The following BRCA1 variants were observed in gnomAD, a reference collection of about 807,000 sequenced individuals.
BRCA1 encodes breast cancer type 1 susceptibility protein.
A neutral mutation model predicts 173.7 loss-of-function variants in BRCA1; 140 were observed. That is an observed-to-expected ratio of 0.81 (90% CI 0.70 to 0.93). BRCA1 has a LOEUF of 0.93. Among genes scored for constraint, BRCA1 ranks in the 40% least tolerant of loss-of-function variants. BRCA1 has a pLI of 0.00. For missense variants in BRCA1, 1,983 were observed against 2,172.5 expected (o/e 0.91, Z 1.73); for synonymous variants, 662 against 756.0 (o/e 0.88, Z 2.04).
intron 16 of BRCA1, among the ~76,000 whole-genome samples, chr17:43,066,812 CTTTTTTTTTT>C (rs34253779): frequency 8.9e-6 from 1 of 112,274 alleles, no homozygotes; most frequent in African/African-American, 4.3e-5. Context: ...CCCTCCAAAC[CTTTTTTTTTT>C]TTTTTTTTTT....
intron 12 of BRCA1, 54 bp from the exon 13 acceptor site, chr17:43,076,668 T>C: frequency 6.3e-7 from 1 of 1,596,958 alleles, no homozygotes; most frequent in South Asian, 1.1e-5. Flanking sequence ...CTGATAGTGA[T>C]AATTCAGGTT....
At chr17:43,069,536 G>T (rs1378982428) in intron 15 of BRCA1, among the ~76,000 whole-genome samples, 1 of 152,180 alleles carries the variant, frequency 6.6e-6, no homozygotes, top group Non-Finnish European at 1.5e-5. Context: ...AATTTTCAAT[G>T]AATAAATAAG....
intron 3 of BRCA1, among the ~76,000 whole-genome samples, chr17:43,110,014 C>T (rs2154559475): frequency 6.6e-6 from 1 of 152,068 alleles, no homozygotes; most frequent in African/African-American, 2.4e-5. Flanking sequence ...CCTGCCTCAG[C>T]CTCCTGAGTA....
chr17:43,165,415 C>T (rs33933393), intron 1 of BRCA1, among the ~76,000 whole-genome samples: 48,040 of 151,716 alleles, frequency 0.32, 7,931 homozygotes, highest in South Asian at 0.49. Context: ...AAATGTACAT[C>T]CTTATGCCTC....
rs273900734 is a variant in BRCA1 at position 43,074,584 on chromosome 17, G to C, written c.4485-63C>G. The C allele has an allele frequency of 0.34, 493,340 of 1,458,920 alleles. 85,314 individuals are homozygous for C. The highest frequency in any genetic ancestry group is 0.5 in the South Asian group (42,843 of 85,940). 90.4% of individuals were successfully genotyped at this position (1,458,920 alleles called of 1,614,324 possible). ...AATTGTGAAAGGACAAATCATACTT[G>C]CTGGGCAGCCAAAGCATAAATGAAA... is the stretch of plus-strand genomic sequence containing the variant. On this transcript the variant is annotated intron_variant, in intron 13 of 22. Transcript: ENST00000357654.
Position 43,099,491 on chromosome 17 carries a change from G to A in BRCA1, c.547+284C>T, listed in dbSNP as rs7219966. ...TCTCCATGTTGGCTAGGCTGGTCTC[G>A]AACTCCCGACCTCAGGTGATCCACC... is the stretch of plus-strand genomic sequence containing the variant. On this transcript the variant is annotated intron_variant, in intron 7 of 22. Coordinates refer to ENST00000357654, the MANE Select transcript of BRCA1 (RefSeq NM_007294.4). Among the ~76,000 whole-genome samples, 7,857 of 151,538 alleles carry A rather than the reference G, an allele frequency of 0.052. 701 individuals are homozygous for A. The highest frequency in any genetic ancestry group is 0.18 in the African/African-American group (7,433 of 41,264).
Position 43,097,854 on chromosome 17 carries a change from T to C in BRCA1, c.548-565A>G, listed in dbSNP as rs143496131. 1.4e-3 allele frequency among the ~76,000 whole-genome samples: 213 copies of C among 152,324 alleles called. No homozygotes were observed. Among genetic ancestry groups the C allele is most frequent in the African/African-American group, 4.8e-3 (201 of 41,570 alleles). ...CTAAATATCAACTACTATAACTATT[T>C]TTACAATGCCTGTTGTCTAGGAATT... is the stretch of plus-strand genomic sequence containing the variant. On this transcript the variant is annotated intron_variant, in intron 7 of 22. Coordinates refer to ENST00000357654, the MANE Select transcript of BRCA1 (RefSeq NM_007294.4).
At chr17:43,120,623 G>A (rs1434708845) in intron 2 of BRCA1, among the ~76,000 whole-genome samples, 1 of 152,052 alleles carries the variant, frequency 6.6e-6, no homozygotes, top group East Asian at 1.9e-4. Context: ...AAATTAGCCG[G>A]GCGTGGTGGT....
chr17:43,101,305 T>A (rs934619446), intron 6 of BRCA1, among the ~76,000 whole-genome samples: 5 of 151,618 alleles, frequency 3.3e-5, no homozygotes, highest in Admixed American at 3.3e-4. Context: ...CAAGTGATCC[T>A]CCCACCTCAG....
intron 3 of BRCA1, among the ~76,000 whole-genome samples, chr17:43,108,865 T>C (rs1418400794): frequency 6.6e-6 from 1 of 151,768 alleles, no homozygotes; most frequent in African/African-American, 2.4e-5. Context: ...TGGTGGCATA[T>C]GCCTGTAATC....
At chr17:43,124,643 T>C (rs1325444177) in intron 1 of BRCA1, 1 of 175,338 alleles carries the variant, frequency 5.7e-6, no homozygotes, top group Non-Finnish European at 1.2e-5. Context: ...ATCCAGTTCT[T>C]AAGTTCTCCC....
rs763051683 is a variant in BRCA1 at position 43,094,261 on chromosome 17, C to T, written c.1270G>A (p.Gly424Ser). 1.2e-6 allele frequency: 2 copies of T among 1,614,058 alleles called. No individual in the cohort carries two copies. The highest frequency in any genetic ancestry group is 2.2e-5 in the South Asian group (2 of 91,082). The change falls in exon 10 of 23, where the codon GGT becomes AGT. Residue 424 changes from glycine to serine, a missense_variant. Coordinates refer to ENST00000357654, the MANE Select transcript of BRCA1 (RefSeq NM_007294.4). ...DVLNEVDEYS[G>S]SSEKIDLLAS... is the part of the protein sequence containing the mutation. ...AGTAAGTCTATTTTCTCTGAAGAAC[C>T]AGAATATTCATCTACCTCATTTAGA... is the stretch of plus-strand genomic sequence containing the variant.
At chr17:43,151,079 T>C (rs1344441858) in intron 1 of BRCA1, among the ~76,000 whole-genome samples, 1 of 152,156 alleles carries the variant, frequency 6.6e-6, no homozygotes, top group Non-Finnish European at 1.5e-5. Flanking sequence ...CAGAGGTCTG[T>C]AAGAGCTGGT....
At chr17:43,068,829 G>T (rs568430563) in intron 15 of BRCA1, among the ~76,000 whole-genome samples, 3 of 152,116 alleles carry the variant, frequency 2.0e-5, no homozygotes, top group Non-Finnish European at 2.9e-5. Flanking sequence ...CAATTCTCTC[G>T]TAAGAAGGCT....
At chr17:43,066,244 TAA>T (rs1273228219) in intron 16 of BRCA1, among the ~76,000 whole-genome samples, 1 of 152,216 alleles carries the variant, frequency 6.6e-6, no homozygotes, top group Non-Finnish European at 1.5e-5. Context: ...ATTAAAACCT[TAA>T]AAGAGAAAGG....
intron 1 of BRCA1, among the ~76,000 whole-genome samples, chr17:43,145,431 A>G (rs930200383): frequency 6.7e-5 from 10 of 149,496 alleles, no homozygotes; most frequent in Non-Finnish European, 1.3e-4. Flanking sequence ...GGTTCACGCC[A>G]TTCTCCTGTC....
chr17:43,150,566 T>C (rs774577670), intron 1 of BRCA1, among the ~76,000 whole-genome samples: 1 of 152,166 alleles, frequency 6.6e-6, no homozygotes, highest in Non-Finnish European at 1.5e-5. Flanking sequence ...TCTAGACCCA[T>C]CCTCTAATTA....
chr17:43,163,589 G>A lies in BRCA1; in HGVS notation c.-20+6537C>T, dbSNP rs2056249857. On this transcript the variant is annotated intron_variant, in intron 1 of 7. Transcript: ENST00000634433. ...TAAGGGGCTTCTCTCGCTTTACAATGTCTTTCTTTTTTTCCTTCTGGTTGA... is the reference window on the plus strand; with the variant it reads ...TAAGGGGCTTCTCTCGCTTTACAATATCTTTCTTTTTTTCCTTCTGGTTGA... 3 of 152,174 alleles carry A rather than the reference G, an allele frequency of 2.0e-5. No homozygotes were observed. In the South Asian group the frequency reaches 6.2e-4, roughly 31 times the overall value. 9.4% of individuals were successfully genotyped at this position (152,174 alleles called of 1,614,324 possible).
chr17:43,126,450 T>C (rs1175108529), upstream of BRCA1, among the ~76,000 whole-genome samples: 1 of 151,914 alleles, frequency 6.6e-6, no homozygotes, highest in Non-Finnish European at 1.5e-5. Context: ...GGCGGGAAGC[T>C]GGTAAGGAAG....
Sources: allele counts gnomAD v4.1 joint callset (sites outside exome capture counted in the v4.1 genomes callset), GRCh38; gene constraint gnomAD v4.1.1; transcripts MANE v1.5; gene names NCBI Gene and HGNC (gene_info 2026-07-23, HGNC 2026-07-21).